Variants in GRID2 observed in about 807,000 individuals in gnomAD.
GRID2 encodes glutamate ionotropic receptor delta type subunit 2, also known as glutamate receptor ionotropic, delta-2.
A neutral mutation model predicts 114.8 loss-of-function variants in GRID2; 33 were observed. The ratio of observed to expected loss-of-function variants is 0.29; its 90% CI spans 0.22 to 0.38. The LOEUF is 0.38. Ranked by LOEUF, GRID2 falls within the 10% of genes least tolerant of loss-of-function variation. The pLI, the probability that GRID2 is intolerant of heterozygous loss-of-function variation, is 1.00. For missense variants in GRID2, 1,184 were observed against 1,257.7 expected, an observed-to-expected ratio of 0.94 and a Z score of 0.89; for synonymous variants, 505 against 449.9, an observed-to-expected ratio of 1.12 and a Z score of -1.55.
rs1232016245 is a variant in GRID2 at position 92,448,038 on chromosome 4, G to A, written c.89-142093G>A. ...AAATAATAAGGCATTTCTAACATAA[G>A]ACCTCATGATCAAGTAAACTTACAT... On this transcript the variant is annotated intron_variant, in intron 1 of 15. Coordinates refer to ENST00000282020, the MANE Select transcript of GRID2 (RefSeq NM_001510.4). Among the ~76,000 whole-genome samples, 5 of 152,214 alleles carry A rather than the reference G, an allele frequency of 3.3e-5. No homozygotes were observed. In the South Asian group the frequency reaches 1.0e-3, roughly 32 times the overall value.
chr4:92,982,084 C>T (rs1754258444), intron 2 of GRID2, among the ~76,000 whole-genome samples: 2 of 147,454 alleles, frequency 1.4e-5, no homozygotes, highest in Admixed American at 6.8e-5. Context: ...GGAATCAACA[C>T]CTATATGTGA....
chr4:93,482,322 G>A (rs112365676), intron 11 of GRID2, among the ~76,000 whole-genome samples: 9,729 of 152,036 alleles, frequency 0.064, 745 homozygotes, highest in African/African-American at 0.18. Context: ...TAAAGAAAAT[G>A]TGGCACATTT....
At chr4:92,456,265 T>C (rs1721211275) in intron 1 of GRID2, among the ~76,000 whole-genome samples, 1 of 152,100 alleles carries the variant, frequency 6.6e-6, no homozygotes. Flanking sequence ...TTATACAATA[T>C]ATATTAGGAA....
At chr4:92,677,936 C>T (rs1291445114) in intron 2 of GRID2, among the ~76,000 whole-genome samples, 1 of 152,008 alleles carries the variant, frequency 6.6e-6, no homozygotes, top group East Asian at 1.9e-4. Flanking sequence ...ATTTGATTCC[C>T]TTTCTACTTT....
At chr4:92,951,333 TTTTATTTATTTATTTA>T (rs529155664) in intron 2 of GRID2, among the ~76,000 whole-genome samples, 2 of 150,388 alleles carry the variant, frequency 1.3e-5, no homozygotes, top group Admixed American at 6.6e-5. Flanking sequence ...TCGCAAAATT[TTTTATTTATTTATTTA>T]TTTATTTATT....
chr4:93,376,833 G>A (rs527370855), intron 8 of GRID2, among the ~76,000 whole-genome samples: 1 of 152,304 alleles, frequency 6.6e-6, no homozygotes, highest in African/African-American at 2.4e-5. Flanking sequence ...GTGGAGTGCA[G>A]AGAGGGAGAG....
intron 13 of GRID2, among the ~76,000 whole-genome samples, chr4:93,517,716 A>T (rs1272632945): frequency 6.6e-6 from 1 of 151,816 alleles, no homozygotes; most frequent in Non-Finnish European, 1.5e-5. Context: ...GACACATGGA[A>T]TGTGGTTGTG....
chr4:93,248,683 C>A (rs1002248020), intron 8 of GRID2, among the ~76,000 whole-genome samples: 1 of 152,058 alleles, frequency 6.6e-6, no homozygotes, highest in Non-Finnish European at 1.5e-5. Flanking sequence ...TAGTTTTGAG[C>A]ATTAATTTCA....
intron 2 of GRID2, among the ~76,000 whole-genome samples, chr4:92,894,057 G>A (rs1194486197): frequency 6.6e-6 from 1 of 152,074 alleles, no homozygotes; most frequent in Non-Finnish European, 1.5e-5. Flanking sequence ...AAGTCTTTTG[G>A]TTACAGCTAG....
At chr4:92,908,667 G>C (rs1366646764) in intron 2 of GRID2, among the ~76,000 whole-genome samples, 1 of 151,736 alleles carries the variant, frequency 6.6e-6, no homozygotes, top group African/African-American at 2.4e-5. Flanking sequence ...TATAGTATCT[G>C]ATTCTAAACA....
At chr4:92,809,121 C>T (rs1740551042) in intron 2 of GRID2, among the ~76,000 whole-genome samples, 1 of 151,878 alleles carries the variant, frequency 6.6e-6, no homozygotes, top group African/African-American at 2.4e-5. Flanking sequence ...TCTTCAAAAG[C>T]ATCACATTTT....
At chr4:92,615,204 A>C (rs763463694) in intron 2 of GRID2, among the ~76,000 whole-genome samples, 3 of 151,556 alleles carry the variant, frequency 2.0e-5, no homozygotes, top group Non-Finnish European at 4.4e-5. Context: ...TCTTTGATAC[A>C]TACCGAGGTG....
At chr4:93,251,381 A>T (rs116223326) in intron 8 of GRID2, among the ~76,000 whole-genome samples, 548 of 152,264 alleles carry the variant, frequency 3.6e-3, no homozygotes, top group Non-Finnish European at 6.7e-3. Context: ...AATGGCAAAA[A>T]TTGATTTATT....
chr4:92,907,315 C>T lies in GRID2; in HGVS notation c.245-177680C>T, dbSNP rs1321120239. Among the ~76,000 whole-genome samples the T allele has an allele frequency of 2.0e-5, 3 of 152,182 alleles. No individual in the cohort carries two copies. The East Asian group carries it at 5.8e-4, about 29-fold the overall frequency. ...TGCACTCCTCTCACTTTAGCAGCAACTCTGTAGAGGACAAGGATCATTTGT... is the reference window on the plus strand; with the variant it reads ...TGCACTCCTCTCACTTTAGCAGCAATTCTGTAGAGGACAAGGATCATTTGT... On this transcript the variant is annotated intron_variant, in intron 2 of 15. Transcript: ENST00000282020.
intron 14 of GRID2, among the ~76,000 whole-genome samples, chr4:93,651,574 A>G (rs974848025): frequency 3.3e-5 from 5 of 152,152 alleles, no homozygotes; most frequent in African/African-American, 1.2e-4. Flanking sequence ...TCCCACTTGT[A>G]TGCCTATTTT....
At chr4:92,659,968 G>A (rs983632224) in intron 2 of GRID2, among the ~76,000 whole-genome samples, 4 of 151,456 alleles carry the variant, frequency 2.6e-5, no homozygotes, top group East Asian at 1.9e-4. Context: ...AACACTGAAC[G>A]TTAACGTTCA....
intron 14 of GRID2, among the ~76,000 whole-genome samples, chr4:93,685,784 T>C (rs1352847705): frequency 1.3e-5 from 2 of 152,092 alleles, no homozygotes; most frequent in Non-Finnish European, 2.9e-5. Context: ...AGAACCAGAC[T>C]ACTTGGGTTT....
intron 9 of GRID2, among the ~76,000 whole-genome samples, chr4:93,400,033 T>C (rs1453698627): frequency 6.6e-6 from 1 of 152,122 alleles, no homozygotes; most frequent in Non-Finnish European, 1.5e-5. Context: ...ATAGGGTACA[T>C]AAGAGTTAAC....
At chr4:93,379,816 GT>G (rs1384890264) in intron 8 of GRID2, among the ~76,000 whole-genome samples, 3 of 151,976 alleles carry the variant, frequency 2.0e-5, no homozygotes, top group African/African-American at 7.2e-5. Context: ...CTCAACAACA[GT>G]TTGGTAAGTA....
Sources: gnomAD v4.1 joint callset for allele counts (sites outside exome capture counted in the v4.1 genomes callset) on GRCh38, gnomAD v4.1.1 for gene constraint, MANE v1.5 for transcripts, NCBI Gene and HGNC (gene_info 2026-07-23, HGNC 2026-07-21) for gene names.